The following DISC1 variants were observed in gnomAD, a reference collection of about 807,000 sequenced individuals.
DISC1 encodes the protein DISC1 scaffold protein.
DISC1 carries 57 observed loss-of-function variants against 84.5 expected under a neutral mutation model. That is an observed-to-expected ratio of 0.67 (90% confidence interval 0.55 to 0.84). DISC1 has a LOEUF of 0.84. Ranked by LOEUF, DISC1 falls within the 40% of genes least tolerant of loss-of-function variation. DISC1 has a pLI of 0.00. For synonymous variants in DISC1, 411 were observed against 415.2 expected, an observed-to-expected ratio of 0.99 and a Z score of 0.12; for missense variants, 1,000 against 1,057.8, an observed-to-expected ratio of 0.95 and a Z score of 0.76.
chr1:231,734,078 G>A (rs1258525372), intron 3 of DISC1, among the ~76,000 whole-genome samples: 2 of 152,020 alleles, frequency 1.3e-5, no homozygotes, highest in African/African-American at 4.8e-5. Context: ...AAAAAGAAGT[G>A]GACAAACTCA....
intron 11 of DISC1, among the ~76,000 whole-genome samples, chr1:232,022,025 G>C (rs528381413): frequency 6.6e-6 from 1 of 152,270 alleles, no homozygotes; most frequent in African/African-American, 2.4e-5. Flanking sequence ...GAAAAGACAT[G>C]TCACCTTTTA....
At chr1:231,806,148 G>A (rs1057013053) in intron 8 of DISC1, among the ~76,000 whole-genome samples, 2 of 152,190 alleles carry the variant, frequency 1.3e-5, no homozygotes, top group African/African-American at 4.8e-5. Context: ...ATAAATATAT[G>A]AACGTGACGT....
At chr1:231,902,158 G>GC (rs1366539258) in intron 9 of DISC1, among the ~76,000 whole-genome samples, 1 of 152,050 alleles carries the variant, frequency 6.6e-6, no homozygotes, top group Non-Finnish European at 1.5e-5. Context: ...CTCTTGACTG[G>GC]CACAGATGCA....
chr1:231,852,461 C>T (rs1022923427), intron 9 of DISC1, among the ~76,000 whole-genome samples: 1 of 152,302 alleles, frequency 6.6e-6, no homozygotes, highest in Admixed American at 6.5e-5. Flanking sequence ...TAAAATCAGA[C>T]GCAGCTTTTC....
rs375057416 is a variant in DISC1, at chr1:231,700,910, A to G, written c.1048-1045A>G. On this transcript the variant is annotated intron_variant, in intron 2 of 12. Coordinates refer to ENST00000439617, the MANE Select transcript of DISC1 (RefSeq NM_018662.3). ...GAGCCAGGCAAAGAATGGGAGGAAG[A>G]TGTTTTTCAGGGATCAAGCCCAAAT... 9.8e-5 allele frequency among the ~76,000 whole-genome samples: 15 copies of G among 152,304 alleles called. 1 individual carries two copies. The East Asian group carries it at 1.3e-3, about 14-fold the overall frequency.
intron 9 of DISC1, among the ~76,000 whole-genome samples, chr1:231,839,029 TA>T (rs1332887043): frequency 2.0e-5 from 3 of 152,052 alleles, no homozygotes; most frequent in East Asian, 3.9e-4. Context: ...AATGAAGCAA[TA>T]AACAATAGGT....
intron 3 of DISC1, among the ~76,000 whole-genome samples, chr1:231,735,104 T>A (rs554539177): frequency 1.3e-5 from 2 of 152,306 alleles, no homozygotes; most frequent in East Asian, 3.9e-4. Flanking sequence ...GTAGAGAAAT[T>A]GAAATAAAGT....
intron 9 of DISC1, among the ~76,000 whole-genome samples, chr1:231,883,328 T>C (rs2086430564): frequency 6.6e-6 from 1 of 151,776 alleles, no homozygotes; most frequent in South Asian, 2.1e-4. Context: ...AACCCAACCC[T>C]CCCCCCAGCA....
chr1:231,822,397 G>A (rs56071042), intron 9 of DISC1, among the ~76,000 whole-genome samples: 10,801 of 152,190 alleles, frequency 0.071, 652 homozygotes, highest in East Asian at 0.35. Flanking sequence ...TTCTGAGAAC[G>A]ATGGCTAACT....
At chr1:231,990,179 G>A (rs1451452640) in intron 10 of DISC1, among the ~76,000 whole-genome samples, 3 of 152,140 alleles carry the variant, frequency 2.0e-5, no homozygotes, top group South Asian at 4.2e-4. Context: ...GTATTGTCTG[G>A]TGGTTCTGTT....
At chr1:231,768,039 C>T (rs1415832454) in intron 5 of DISC1, among the ~76,000 whole-genome samples, 2 of 152,070 alleles carry the variant, frequency 1.3e-5, no homozygotes, top group African/African-American at 4.8e-5. Context: ...AAGGTTGGCC[C>T]AGAACAGAGG....
chr1:231,814,716 T>C (rs1398158198), intron 8 of DISC1, among the ~76,000 whole-genome samples: 1 of 152,114 alleles, frequency 6.6e-6, no homozygotes, highest in Non-Finnish European at 1.5e-5. Flanking sequence ...TTTTGAATGC[T>C]GGTGCTTTCC....
chr1:232,020,447 A>T (rs946245606), intron 11 of DISC1, among the ~76,000 whole-genome samples: 2 of 152,218 alleles, frequency 1.3e-5, no homozygotes, highest in African/African-American at 4.8e-5. Context: ...CCCCTACCAA[A>T]TCCAGCAGCA....
At chr1:231,685,519 C>T (rs2064159018) in intron 1 of DISC1, among the ~76,000 whole-genome samples, 2 of 152,060 alleles carry the variant, frequency 1.3e-5, no homozygotes, top group African/African-American at 4.8e-5. Context: ...ATGGCGTGAT[C>T]TTGGCTCACT....
chr1:232,038,415 G>A lies in DISC1; in HGVS notation c.*1584G>A, dbSNP rs1319182770. On this transcript the variant is annotated 3_prime_UTR_variant, in exon 13 of 13. Transcript: ENST00000439617. Reference sequence around the variant, plus strand: ...CCCAAGAGAAGCTCTCTAAACAAAGGAGTACCCTCTCTGGTCAAGTACCTT... The same window carrying A: ...CCCAAGAGAAGCTCTCTAAACAAAGAAGTACCCTCTCTGGTCAAGTACCTT... The A allele has an allele frequency of 6.6e-6, 1 of 152,106 alleles. No individual in the cohort carries two copies. The highest frequency in any genetic ancestry group is 1.5e-5 in the Non-Finnish European group (1 of 68,034). The allele number at this position is 152,106 out of a possible 1,614,324, so 9.4% of individuals were successfully genotyped here.
intron 4 of DISC1, among the ~76,000 whole-genome samples, chr1:231,753,615 T>A (rs1341177539): frequency 6.6e-6 from 1 of 152,240 alleles, no homozygotes; most frequent in Admixed American, 6.5e-5. Context: ...TCTTGGCTAT[T>A]AGCACTCAGC....
At chr1:231,979,047 G>C (rs1663222261) in intron 10 of DISC1, among the ~76,000 whole-genome samples, 1 of 152,076 alleles carries the variant, frequency 6.6e-6, no homozygotes, top group Admixed American at 6.6e-5. Flanking sequence ...ATCAGTGGTG[G>C]CATTATATTC....
chr1:231,864,491 G>A (rs1057225378), intron 9 of DISC1, among the ~76,000 whole-genome samples: 8 of 151,976 alleles, frequency 5.3e-5, no homozygotes, highest in African/African-American at 1.7e-4. Context: ...GTGAAACCCC[G>A]TCTCTATTAA....
intron 1 of DISC1, among the ~76,000 whole-genome samples, chr1:231,664,080 G>A (rs144156818): frequency 1.6e-3 from 187 of 113,900 alleles, no homozygotes; most frequent in African/African-American, 5.5e-3. Flanking sequence ...CCATCCATCC[G>A]TCTATCTATG....
Sources: allele counts gnomAD v4.1 joint callset (sites outside exome capture counted in the v4.1 genomes callset), GRCh38; gene constraint gnomAD v4.1.1; transcripts MANE v1.5; gene names NCBI Gene and HGNC (gene_info 2026-07-23, HGNC 2026-07-21).